The following SPPL2B variants were observed in gnomAD, a reference collection of about 807,000 sequenced individuals.
SPPL2B encodes the protein signal peptide peptidase-like 2B.
SPPL2B carries 39 observed loss-of-function variants against 59.7 expected under a neutral mutation model. The ratio of observed to expected loss-of-function variants is 0.65; its 90% CI spans 0.51 to 0.85. SPPL2B has a LOEUF of 0.85. Ranked by LOEUF, SPPL2B falls within the 40% of genes least tolerant of loss-of-function variation. The pLI is 0.00. For missense variants in SPPL2B, 865 were observed against 849.0 expected, an observed-to-expected ratio of 1.02 and a Z score of -0.23; for synonymous variants, 419 against 370.8, an observed-to-expected ratio of 1.13 and a Z score of -1.49.
At chr19:2,338,955 C>T (rs1268623141) in intron 4 of SPPL2B, 114 bp downstream of exon 4, 7 of 1,482,100 alleles carry the variant, frequency 4.7e-6, no homozygotes, top group Admixed American at 2.0e-5. Flanking sequence ...GTGGGTGAGG[C>T]GTGGCCCCTG....
At chr19:2,337,238 A>G (rs546993835) in intron 2 of SPPL2B, 2 of 496,346 alleles carry the variant, frequency 4.0e-6, no homozygotes, top group Admixed American at 7.7e-5. Flanking sequence ...GGCCCCGCTC[A>G]GATGAGGCAG....
At position 2,340,135 on chromosome 19, in the gene SPPL2B, G is replaced by A. The variant is rs201510032; in HGVS notation, c.802G>A (p.Ala268Thr). The part of the protein sequence containing the change: ...ASATGLYSCL[A>T]PCVRRLPFGK... The stretch of plus-strand genomic sequence containing the variant: ...CGCCACCGGCCTCTACAGCTGCCTG[G>A]CGCCCTGTGTGCGGCGGCTGCCCTT... Residue 268 changes from alanine to threonine, a missense_variant, in exon 7 of 15, where the codon GCG (alanine) becomes ACG (threonine). Ala to Thr is a moderately conservative substitution (Grantham distance 58). Coordinates refer to ENST00000613503, the MANE Select transcript of SPPL2B (RefSeq NM_152988.3). 1.2e-4 allele frequency: 194 copies of A among 1,590,316 alleles called. No homozygotes were observed. The highest frequency in any genetic ancestry group is 2.4e-4 in the Admixed American group (14 of 57,946).
In SPPL2B at chr19:2,340,372, G is replaced by A. The variant is rs1439465925; in HGVS notation, c.839+200G>A. ...ATCAATGGAGCCCACCAGCAGCCAGGCGCCAGGGGTGGCGGGGGGAGGGTG... is the reference window on the plus strand; with the variant it reads ...ATCAATGGAGCCCACCAGCAGCCAGACGCCAGGGGTGGCGGGGGGAGGGTG... On this transcript the variant is annotated intron_variant, in intron 7 of 14. Transcript: ENST00000613503. 4 of 606,916 alleles carry A rather than the reference G, an allele frequency of 6.6e-6. No homozygotes were observed. The African/African-American group carries it at 7.6e-5, about 11-fold the overall frequency. 37.6% of individuals were successfully genotyped at this position (606,916 alleles called of 1,614,324 possible).
At chr19:2,339,685 G>T (rs1968895534) in intron 5 of SPPL2B, 139 bp from the exon 6 acceptor site, 2 of 981,332 alleles carry the variant, frequency 2.0e-6, no homozygotes, top group Non-Finnish European at 3.0e-6. Flanking sequence ...GTTCGGGGCG[G>T]TTCCTTGCAC....
intron 2 of SPPL2B, 103 bp from the exon 3 acceptor site, chr19:2,337,340 G>C: frequency 8.7e-7 from 1 of 1,152,072 alleles, no homozygotes; most frequent in Non-Finnish European, 1.2e-6. Context: ...TTAGGTGAGG[G>C]CTGGGATCTA....
chr19:2,337,195 G>A (rs1968699602), intron 2 of SPPL2B: 1 of 412,442 alleles, frequency 2.4e-6, no homozygotes, highest in Non-Finnish European at 4.3e-6. Flanking sequence ...GGTGGCTCAG[G>A]TATCAGGGGA....
intron 2 of SPPL2B, among the ~76,000 whole-genome samples, chr19:2,335,333 T>TTCTTTCC (rs1968516123): frequency 1.0e-5 from 1 of 97,556 alleles, no homozygotes; most frequent in African/African-American, 4.0e-5. Flanking sequence ...AGGCCCCGCC[T>TTCTTTCC]CATTTCCCAC....
intron 13 of SPPL2B, among the ~76,000 whole-genome samples, chr19:2,347,354 C>CACA (rs1568448344): frequency 4.4e-4 from 11 of 24,736 alleles, no homozygotes; most frequent in Admixed American, 3.8e-3. Flanking sequence ...CGTTCTCTCT[C>CACA]CACACACACA....
intron 14 of SPPL2B, 91 bp from the exon 15 acceptor site, chr19:2,352,855 G>C: frequency 1.4e-6 from 2 of 1,432,466 alleles, no homozygotes. Flanking sequence ...CCCTGCCCCC[G>C]TGGCCTGCGG....
In SPPL2B at chr19:2,351,605, G is replaced by C. The variant is rs774350303; in HGVS notation, c.1515+11G>C. The C allele has an allele frequency of 1.2e-6, 2 of 1,600,744 alleles. No individual in the cohort carries two copies. The highest frequency in any genetic ancestry group is 1.7e-5 in the Admixed American group (1 of 59,140). On this transcript the variant is annotated intron_variant, in intron 14 of 14. Coordinates refer to ENST00000613503, the MANE Select transcript of SPPL2B (RefSeq NM_152988.3). ...GGCAGCGGCTTTGCGGTGAATACCA[G>C]TTTGCTCTGACTGTGAGAAATACTC... is the stretch of plus-strand genomic sequence containing the variant.
At chr19:2,344,270 A>G in intron 10 of SPPL2B, 92 bp from the exon 11 acceptor site, 1 of 170,594 alleles carries the variant, frequency 5.9e-6, no homozygotes, top group South Asian at 4.4e-5. Context: ...GCACCCCCCC[A>G]TCGCATCACC....
Position 2,328,785 on chromosome 19 carries a change from G to A in SPPL2B, c.66+10G>A. ...GCTCCTCGCGGCCCAGGTGAGCGCGGCACCGGTCCCGACGGCACCGCGGGC... is the reference window on the plus strand; with the variant it reads ...GCTCCTCGCGGCCCAGGTGAGCGCGACACCGGTCCCGACGGCACCGCGGGC... On this transcript the variant is annotated intron_variant, in intron 1 of 14. Coordinates refer to ENST00000613503, the MANE Select transcript of SPPL2B (RefSeq NM_152988.3). 1 of 1,412,074 alleles carries A rather than the reference G, an allele frequency of 7.1e-7. No homozygotes were observed. The highest frequency in any genetic ancestry group is 1.5e-5 in the African/African-American group (1 of 66,104). 87.5% of individuals were successfully genotyped at this position (1,412,074 alleles called of 1,614,324 possible).
chr19:2,338,567 C>T, intron 3 of SPPL2B, 185 bp from the exon 4 acceptor site: 2 of 559,890 alleles, frequency 3.6e-6, no homozygotes, highest in Non-Finnish European at 6.4e-6. Flanking sequence ...GCCCTTCGGC[C>T]TCCCTGTTCT....
chr19:2,349,741 CT>C (rs1311156870), intron 13 of SPPL2B, among the ~76,000 whole-genome samples: 1 of 145,466 alleles, frequency 6.9e-6, no homozygotes, highest in Non-Finnish European at 1.5e-5. Context: ...TCCGTTCTCT[CT>C]CTCCACACAC....
At chr19:2,342,995 C>T (rs1969146309) in intron 8 of SPPL2B, 2 of 575,492 alleles carry the variant, frequency 3.5e-6, no homozygotes, top group Non-Finnish European at 6.3e-6. Context: ...GCAGGGTGGG[C>T]CCTGGGGTGG....
At chr19:2,336,635 CTG>C (rs1176242609) in intron 2 of SPPL2B, among the ~76,000 whole-genome samples, 2 of 149,222 alleles carry the variant, frequency 1.3e-5, no homozygotes, top group African/African-American at 2.5e-5. Flanking sequence ...TCTGGCCTGG[CTG>C]TGTGTGCGTG....
At chr19:2,334,350 G>A (rs565571716) in intron 1 of SPPL2B, among the ~76,000 whole-genome samples, 1 of 152,332 alleles carries the variant, frequency 6.6e-6, no homozygotes, top group East Asian at 1.9e-4. Context: ...GCCACAAAGG[G>A]GTGACCTGAC....
chr19:2,328,804 C>T lies in SPPL2B; in HGVS notation c.66+29C>T, dbSNP rs545543229. On this transcript the variant is annotated intron_variant, in intron 1 of 14. Coordinates refer to ENST00000613503, the MANE Select transcript of SPPL2B (RefSeq NM_152988.3). ...AGCGCGGCACCGGTCCCGACGGCAC[C>T]GCGGGCTGCGGCCCTTCGGCCTCTC... is the stretch of plus-strand genomic sequence containing the variant. The T allele has an allele frequency of 1.8e-5, 24 of 1,354,826 alleles. No individual in the cohort carries two copies. The African/African-American group carries it at 3.7e-4, about 21-fold the overall frequency. The allele number at this position is 1,354,826 out of a possible 1,614,324, so 83.9% of individuals were successfully genotyped here.
Position 2,340,080 on chromosome 19 carries a change from C to T in SPPL2B, c.747C>T (p.Tyr249=), listed in dbSNP as rs748255113. ...LLYYFYDLLV[Y]VVIGIFCLAS... is the part of the protein sequence containing the mutation. ...CTCACGGCCCTGCCCCTGCAGTGTA[C>T]GTGGTCATCGGGATCTTCTGCCTGG... Residue 249 remains tyrosine, a synonymous_variant, in exon 7 of 15, where the codon TAC becomes TAT. Transcript: ENST00000613503. 7 of 1,593,238 alleles carry T rather than the reference C, an allele frequency of 4.4e-6. No individual in the cohort carries two copies. Among genetic ancestry groups the T allele is most frequent in the East Asian group, 2.3e-5 (1 of 44,298 alleles).
Sources: gnomAD v4.1 joint callset for allele counts (sites outside exome capture counted in the v4.1 genomes callset) on GRCh38, gnomAD v4.1.1 for gene constraint, MANE v1.5 for transcripts, NCBI Gene and HGNC (gene_info 2026-07-23, HGNC 2026-07-21) for gene names.